The following RBFOX1 variants were observed in gnomAD, a reference collection of about 807,000 sequenced individuals.
RBFOX1 encodes the protein RNA binding fox-1 homolog 1, also known as RNA binding protein fox-1 homolog 1.
A neutral mutation model predicts 57.7 loss-of-function variants in RBFOX1; 8 were observed. The observed-to-expected ratio is 0.14, with a 90% CI of 0.08 to 0.25. The LOEUF is 0.25. Among genes scored for constraint, RBFOX1 ranks in the 10% least tolerant of loss-of-function variants. The probability of loss-of-function intolerance (pLI) is 1.00; values close to 1 mark genes in which losing one functional copy is unlikely to be tolerated. For missense variants in RBFOX1, 611 were observed against 548.5 expected, an observed-to-expected ratio of 1.11 and a Z score of -1.14; for synonymous variants, 326 against 222.4, an observed-to-expected ratio of 1.47 and a Z score of -4.15.
chr16:6,941,168 A>T (rs373794118), intron 3 of RBFOX1, among the ~76,000 whole-genome samples: 17 of 152,102 alleles, frequency 1.1e-4, no homozygotes, highest in African/African-American at 4.1e-4. Context: ...GAAATCCATC[A>T]GCAGACTCTC....
chr16:6,574,002 G>C (rs944712194), intron 2 of RBFOX1: 3 of 152,298 alleles, frequency 2.0e-5, no homozygotes, highest in Admixed American at 6.5e-5. Context: ...CGCGGGCGTT[G>C]AGGCAGCCAG....
intron 1 of RBFOX1, among the ~76,000 whole-genome samples, chr16:5,358,002 C>A (rs1026509363): frequency 6.6e-6 from 1 of 152,206 alleles, no homozygotes; most frequent in African/African-American, 2.4e-5. Context: ...GTACCTCAGA[C>A]TGGGTGGCTT....
chr16:6,583,028 A>AG (rs2097559171), intron 2 of RBFOX1, among the ~76,000 whole-genome samples: 1 of 149,354 alleles, frequency 6.7e-6, no homozygotes, highest in Non-Finnish European at 1.5e-5. Context: ...CTCTTGCTCG[A>AG]TGTCTCTCTC....
intron 3 of RBFOX1, among the ~76,000 whole-genome samples, chr16:6,985,414 A>T (rs1240066158): frequency 6.6e-6 from 1 of 152,236 alleles, no homozygotes; most frequent in African/African-American, 2.4e-5. Flanking sequence ...CAGGAGGCTT[A>T]GGCAGGAAGA....
At chr16:7,400,623 C>G (rs1307046083) in intron 4 of RBFOX1, among the ~76,000 whole-genome samples, 1 of 152,190 alleles carries the variant, frequency 6.6e-6, no homozygotes, top group East Asian at 1.9e-4. Context: ...GCTCCTAACC[C>G]CTTCCTAAAT....
intron 4 of RBFOX1, among the ~76,000 whole-genome samples, chr16:7,371,008 T>C (rs1003279888): frequency 3.3e-5 from 5 of 152,298 alleles, no homozygotes; most frequent in South Asian, 2.1e-4. Context: ...AGGTATTTTA[T>C]TGGGATGGAT....
intron 2 of RBFOX1, among the ~76,000 whole-genome samples, chr16:5,521,637 T>C (rs2044020279): frequency 6.7e-6 from 1 of 149,074 alleles, no homozygotes; most frequent in Non-Finnish European, 1.5e-5. Context: ...TCTGCCATCA[T>C]GGACAAGAAA....
At chr16:6,898,623 A>T (rs917169221) in intron 3 of RBFOX1, among the ~76,000 whole-genome samples, 5 of 152,198 alleles carry the variant, frequency 3.3e-5, no homozygotes, top group Non-Finnish European at 7.3e-5. Flanking sequence ...GGTTATTTTT[A>T]AAATACTGGA....
intron 4 of RBFOX1, among the ~76,000 whole-genome samples, chr16:7,281,581 T>C (rs940029055): frequency 4.6e-5 from 7 of 152,098 alleles, no homozygotes; most frequent in African/African-American, 1.4e-4. Flanking sequence ...CTGGGCACAA[T>C]ATCTGGTGTT....
chr16:6,333,599 T>C (rs1168703168), intron 2 of RBFOX1, among the ~76,000 whole-genome samples: 2 of 152,234 alleles, frequency 1.3e-5, no homozygotes, highest in Non-Finnish European at 2.9e-5. Flanking sequence ...CAGTCATTTC[T>C]ACACCTCTGA....
chr16:5,777,612 G>T (rs2054189271), intron 3 of RBFOX1, among the ~76,000 whole-genome samples: 1 of 152,184 alleles, frequency 6.6e-6, no homozygotes, highest in Non-Finnish European at 1.5e-5. Context: ...ACCTTCCTGA[G>T]TCTGAGTTAA....
At chr16:5,911,993 A>T (rs995288985) in intron 4 of RBFOX1, among the ~76,000 whole-genome samples, 8 of 152,194 alleles carry the variant, frequency 5.3e-5, no homozygotes, top group Admixed American at 5.2e-4. Context: ...ATTTGGAGAC[A>T]GGAAGACCAA....
chr16:5,958,751 C>G (rs541217958), intron 4 of RBFOX1, among the ~76,000 whole-genome samples: 3 of 152,260 alleles, frequency 2.0e-5, no homozygotes, highest in South Asian at 4.1e-4. Flanking sequence ...TAATCTATTC[C>G]TTGCCTTGTC....
intron 4 of RBFOX1, among the ~76,000 whole-genome samples, chr16:5,880,859 CAA>C (rs2057744939): frequency 6.6e-6 from 1 of 152,160 alleles, no homozygotes; most frequent in South Asian, 2.1e-4. Context: ...ATGATTCAGT[CAA>C]ATCTTTGCTT....
At chr16:7,078,862 C>CA (rs1567178231) in intron 4 of RBFOX1, among the ~76,000 whole-genome samples, 1 of 38,536 alleles carries the variant, frequency 2.6e-5, no homozygotes, top group African/African-American at 6.2e-5. Context: ...TATATATATA[C>CA]CTTTTTTTTT....
At chr16:6,376,615 G>C (rs1215817845) in intron 2 of RBFOX1, among the ~76,000 whole-genome samples, 1 of 152,042 alleles carries the variant, frequency 6.6e-6, no homozygotes, top group Non-Finnish European at 1.5e-5. Context: ...TCTGTGTCCA[G>C]ATTTTCTTCC....
chr16:5,500,086 C>A (rs1032302474), intron 2 of RBFOX1, among the ~76,000 whole-genome samples: 7 of 151,082 alleles, frequency 4.6e-5, no homozygotes, highest in Admixed American at 4.0e-4. Flanking sequence ...GCCTTCCTGC[C>A]TTCCCTCCAT....
At chr16:5,911,807 T>C (rs1015816746) in intron 4 of RBFOX1, among the ~76,000 whole-genome samples, 13 of 152,226 alleles carry the variant, frequency 8.5e-5, no homozygotes, top group African/African-American at 3.1e-4. Context: ...GGGAGCTCTC[T>C]AGGACTTCTT....
chr16:6,567,933 A>T (rs1461690129), intron 2 of RBFOX1, among the ~76,000 whole-genome samples: 3 of 151,998 alleles, frequency 2.0e-5, no homozygotes. Context: ...CAATCTTCCC[A>T]CCTCAGCCTC....
Sources: allele counts gnomAD v4.1 joint callset (sites outside exome capture counted in the v4.1 genomes callset), GRCh38; gene constraint gnomAD v4.1.1; transcripts MANE v1.5; gene names NCBI Gene and HGNC (gene_info 2026-07-23, HGNC 2026-07-21).